The following HMBOX1 variants were observed in gnomAD, a reference collection of about 807,000 sequenced individuals.
The protein encoded by HMBOX1 is homeobox-containing protein 1.
In HMBOX1, 14 loss-of-function variants were observed where a neutral mutation model predicts 54.5. The ratio of observed to expected loss-of-function variants is 0.26; its 90% confidence interval spans 0.17 to 0.40. The LOEUF is 0.40. Ranked by LOEUF, HMBOX1 falls within the 10% of genes least tolerant of loss-of-function variation. HMBOX1 has a pLI of 1.00. For missense variants in HMBOX1, 332 were observed against 514.4 expected (o/e 0.65, Z 3.43); for synonymous variants, 160 against 181.0 (o/e 0.88, Z 0.93).
intron 1 of HMBOX1, among the ~76,000 whole-genome samples, chr8:28,908,752 C>T (rs931968400): frequency 6.6e-6 from 1 of 151,724 alleles, no homozygotes; most frequent in Non-Finnish European, 1.5e-5. Context: ...GGCGACAGAG[C>T]GAGACTCTGT....
intron 4 of HMBOX1, among the ~76,000 whole-genome samples, chr8:28,991,095 T>C (rs1182817960): frequency 1.3e-5 from 2 of 152,238 alleles, no homozygotes; most frequent in South Asian, 4.1e-4. Context: ...CTTAAATGTC[T>C]TTGCAAATGT....
intron 6 of HMBOX1, among the ~76,000 whole-genome samples, chr8:29,029,419 G>A (rs1251243798): frequency 3.3e-5 from 5 of 152,190 alleles, no homozygotes; most frequent in Non-Finnish European, 7.4e-5. Context: ...ACAGCAGCTT[G>A]TGTCATGTGA....
intron 1 of HMBOX1, among the ~76,000 whole-genome samples, chr8:28,937,328 T>C (rs1446436092): frequency 6.6e-6 from 1 of 152,220 alleles, no homozygotes; most frequent in African/African-American, 2.4e-5. Flanking sequence ...AAAGGAAAAT[T>C]ATTCTTATGT....
chr8:28,941,743 C>T (rs1438047929), intron 1 of HMBOX1, among the ~76,000 whole-genome samples: 2 of 152,148 alleles, frequency 1.3e-5, no homozygotes, highest in African/African-American at 4.8e-5. Flanking sequence ...TAAGAATTTC[C>T]TTTGGCGCTC....
chr8:29,048,742 A>G (rs1332909091), intron 8 of HMBOX1: 1 of 508,066 alleles, frequency 2.0e-6, no homozygotes, highest in Non-Finnish European at 3.5e-6. Flanking sequence ...GCACAGCAGC[A>G]GAGACCCCAG....
At chr8:29,021,251 AAAGAAGTG>A (rs1232080128) in intron 6 of HMBOX1, among the ~76,000 whole-genome samples, 2 of 152,206 alleles carry the variant, frequency 1.3e-5, no homozygotes, top group Non-Finnish European at 2.9e-5. Flanking sequence ...CAAATGAGTC[AAAGAAGTG>A]AATCCATATA....
intron 4 of HMBOX1, among the ~76,000 whole-genome samples, chr8:28,986,909 A>G (rs969483225): frequency 2.6e-5 from 4 of 151,992 alleles, no homozygotes; most frequent in Admixed American, 2.0e-4. Context: ...AAATGCCCAT[A>G]TTTTCTTACT....
chr8:28,982,871 G>A (rs1432554110), intron 4 of HMBOX1, among the ~76,000 whole-genome samples: 2 of 151,978 alleles, frequency 1.3e-5, no homozygotes, highest in Non-Finnish European at 1.5e-5. Context: ...TGATCCACCC[G>A]CTTCGGCCTC....
At chr8:29,023,752 A>G (rs952894950) in intron 6 of HMBOX1, among the ~76,000 whole-genome samples, 1 of 152,100 alleles carries the variant, frequency 6.6e-6, no homozygotes, top group Non-Finnish European at 1.5e-5. Context: ...TACCTTCTTG[A>G]TTCACTTATT....
In HMBOX1 at chr8:29,048,935, C is replaced by T; in HGVS notation, c.1031-19C>T. The T allele has an allele frequency of 1.3e-6, 2 of 1,543,726 alleles. No homozygotes were observed. Among genetic ancestry groups the T allele is most frequent in the South Asian group, 2.3e-5 (2 of 88,082 alleles). ...ATAAGGTAACAGATAATTTAGGGAT[C>T]TATTTGCTTTTTTCGAAGAAGCAGC... On this transcript the variant is annotated intron_variant, in intron 8 of 9. Coordinates refer to ENST00000287701, the MANE Select transcript of HMBOX1 (RefSeq NM_001135726.3).
At chr8:28,895,549 C>T (rs1413761692) in intron 1 of HMBOX1, among the ~76,000 whole-genome samples, 1 of 152,084 alleles carries the variant, frequency 6.6e-6, no homozygotes. Flanking sequence ...GTGGTGCATG[C>T]CTGTAATCCC....
At chr8:28,919,884 G>C (rs1009624167) in intron 1 of HMBOX1, among the ~76,000 whole-genome samples, 4 of 152,052 alleles carry the variant, frequency 2.6e-5, no homozygotes, top group African/African-American at 9.7e-5. Context: ...ATACTCAAGA[G>C]ATCAGTGTTA....
intron 1 of HMBOX1, among the ~76,000 whole-genome samples, chr8:28,949,157 TA>T (rs1376145146): frequency 3.9e-5 from 6 of 152,344 alleles, no homozygotes; most frequent in Admixed American, 1.3e-4. Flanking sequence ...ACACAGACAT[TA>T]AAATTATTTA....
At chr8:28,961,797 G>A (rs953542639) in intron 1 of HMBOX1, among the ~76,000 whole-genome samples, 2 of 151,626 alleles carry the variant, frequency 1.3e-5, no homozygotes, top group Non-Finnish European at 2.9e-5. Flanking sequence ...ATTTCAGCCA[G>A]CAATATACAA....
Position 29,051,481 on chromosome 8 carries a change from G to T in HMBOX1, c.*326G>T. ...GATAGCCCTCAGTTCTCAAATATTA[G>T]ACTACGTGTAAAATCTTGGGTACCT... On this transcript the variant is annotated 3_prime_UTR_variant, in exon 10 of 10. Transcript: ENST00000287701. 1 of 700,176 alleles carries T rather than the reference G, an allele frequency of 1.4e-6. No homozygotes were observed. The highest frequency in any genetic ancestry group is 1.5e-5 in the South Asian group (1 of 67,462). 43.4% of individuals were successfully genotyped at this position (700,176 alleles called of 1,614,324 possible).
intron 6 of HMBOX1, among the ~76,000 whole-genome samples, chr8:29,037,315 AAGTT>A (rs1368908471): frequency 1.3e-5 from 2 of 152,228 alleles, no homozygotes; most frequent in African/African-American, 2.4e-5. Flanking sequence ...TTGTTGCTAA[AAGTT>A]AGCATTAAGA....
chr8:28,973,620 A>G (rs975654354), intron 3 of HMBOX1, among the ~76,000 whole-genome samples: 4 of 151,972 alleles, frequency 2.6e-5, no homozygotes, highest in African/African-American at 9.7e-5. Flanking sequence ...GCCCGTTGGA[A>G]GTGGTAGTCT....
intron 1 of HMBOX1, among the ~76,000 whole-genome samples, chr8:28,938,653 G>A (rs1820807676): frequency 6.7e-6 from 1 of 150,162 alleles, no homozygotes; most frequent in Non-Finnish European, 1.5e-5. Flanking sequence ...TCGCTATGTT[G>A]CTCCAGCTGG....
At chr8:28,985,849 A>C (rs28668085) in intron 4 of HMBOX1, among the ~76,000 whole-genome samples, 1 of 152,060 alleles carries the variant, frequency 6.6e-6, no homozygotes, top group African/African-American at 2.4e-5. Context: ...TAGGTTCACA[A>C]CTGTCTTCTA....
Sources: gnomAD v4.1 joint callset for allele counts (sites outside exome capture counted in the v4.1 genomes callset) on GRCh38, gnomAD v4.1.1 for gene constraint, MANE v1.5 for transcripts, NCBI Gene and HGNC (gene_info 2026-07-23, HGNC 2026-07-21) for gene names.